The following TLL2 variants were observed in gnomAD, a reference collection of about 807,000 sequenced individuals.
TLL2 encodes the protein tolloid-like protein 2.
Under a neutral mutation model 123.0 loss-of-function variants are expected in TLL2, and 106 were observed. The ratio of observed to expected loss-of-function variants is 0.86; its 90% CI spans 0.74 to 1.01. The LOEUF is 1.01. TLL2 is among the 50% of genes least tolerant of loss of function. The pLI, the probability that TLL2 is intolerant of heterozygous loss-of-function variation, is 0.00. For missense variants in TLL2, 1,332 were observed against 1,336.7 expected (o/e 1.00, Z 0.06); for synonymous variants, 494 against 516.8 (o/e 0.96, Z 0.60).
chr10:96,410,591 G>A (rs1407851218), intron 8 of TLL2, 117 bp from the exon 9 acceptor site: 2 of 790,970 alleles, frequency 2.5e-6, no homozygotes, highest in Non-Finnish European at 4.4e-6. Context: ...CCTCGGAACA[G>A]GTTGGTGAGA....
intron 2 of TLL2, among the ~76,000 whole-genome samples, chr10:96,462,484 GT>G (rs754457581): frequency 3.3e-5 from 5 of 152,164 alleles, no homozygotes; most frequent in Non-Finnish European, 4.4e-5. Context: ...GGAAGTCCAA[GT>G]TCACTAAACT....
chr10:96,433,676 T>G (rs1409531816), intron 3 of TLL2, among the ~76,000 whole-genome samples: 4 of 152,232 alleles, frequency 2.6e-5, no homozygotes, highest in Non-Finnish European at 5.9e-5. Flanking sequence ...GTTGGCTTGC[T>G]TAGAATCCCT....
intron 3 of TLL2, among the ~76,000 whole-genome samples, chr10:96,439,059 A>ATT (rs34560855): frequency 7.0e-6 from 1 of 142,656 alleles, no homozygotes; most frequent in African/African-American, 2.7e-5. Flanking sequence ...TCATTTGCTA[A>ATT]TTTTTTTAAG....
intron 2 of TLL2, among the ~76,000 whole-genome samples, chr10:96,448,846 G>A (rs1444421471): frequency 6.6e-6 from 1 of 152,162 alleles, no homozygotes; most frequent in East Asian, 1.9e-4. Context: ...AGGCAGTGGA[G>A]GGTCTGGAGA....
chr10:96,462,474 G>A (rs560252738), intron 2 of TLL2, among the ~76,000 whole-genome samples: 1 of 152,146 alleles, frequency 6.6e-6, no homozygotes, highest in Non-Finnish European at 1.5e-5. Flanking sequence ...CTGGAGGCTG[G>A]GAAGTCCAAG....
At chr10:96,435,036 T>C (rs200578406) in intron 3 of TLL2, among the ~76,000 whole-genome samples, 5 of 138,486 alleles carry the variant, frequency 3.6e-5, no homozygotes, top group African/African-American at 1.5e-4. Flanking sequence ...TTTTTTTTTC[T>C]TTTTTTTTTT....
chr10:96,508,793 C>T (rs1320242846), intron 1 of TLL2, among the ~76,000 whole-genome samples: 5 of 151,916 alleles, frequency 3.3e-5, no homozygotes, highest in Admixed American at 6.6e-5. Context: ...GTTAATGCCT[C>T]GGGGAATGTG....
chr10:96,421,727 C>G (rs1415007089), intron 6 of TLL2, among the ~76,000 whole-genome samples: 2 of 150,706 alleles, frequency 1.3e-5, no homozygotes, highest in Admixed American at 1.3e-4. Flanking sequence ...ATCCCAGCTA[C>G]TTAGGAGGCT....
intron 1 of TLL2, among the ~76,000 whole-genome samples, chr10:96,484,432 T>C (rs935913739): frequency 6.6e-6 from 1 of 152,180 alleles, no homozygotes; most frequent in Non-Finnish European, 1.5e-5. Context: ...GATTGACACA[T>C]ACAGCCTTTG....
At position 96,366,909 on chromosome 10, in the gene TLL2, A is replaced by C. The variant is rs1250873560; in HGVS notation, c.*1179T>G. On this transcript the variant is annotated 3_prime_UTR_variant, in exon 21 of 21. Coordinates refer to ENST00000357947, the MANE Select transcript of TLL2 (RefSeq NM_012465.4). ...TGTTTAAATTATACCTTGAGGTGCT[A>C]AAATTATGTAAACATCATCCTCTAC... The C allele has an allele frequency of 6.5e-6, 1 of 152,686 alleles. No individual in the cohort carries two copies. Among genetic ancestry groups the C allele is most frequent in the African/African-American group, 2.4e-5 (1 of 41,480 alleles). 9.5% of individuals were successfully genotyped at this position (152,686 alleles called of 1,614,324 possible).
chr10:96,410,216 T>C (rs780587914), intron 9 of TLL2, 143 bp downstream of exon 9: 1 of 633,944 alleles, frequency 1.6e-6, no homozygotes, highest in Non-Finnish European at 2.8e-6. Context: ...ATAATGAACG[T>C]ACAGCAAACA....
chr10:96,460,193 T>C (rs1443194151), intron 2 of TLL2, among the ~76,000 whole-genome samples: 1 of 152,262 alleles, frequency 6.6e-6, no homozygotes, highest in Admixed American at 6.5e-5. Flanking sequence ...CTATCCATAT[T>C]ATATAATTTG....
At chr10:96,470,946 T>C (rs940661022) in intron 2 of TLL2, among the ~76,000 whole-genome samples, 2 of 152,212 alleles carry the variant, frequency 1.3e-5, no homozygotes, top group Non-Finnish European at 2.9e-5. Flanking sequence ...CTCAGATCCC[T>C]CTCTGGCCAA....
In TLL2 at chr10:96,513,575, T is replaced by C. The variant is rs1847653560; in HGVS notation, c.111A>G (p.Ser37=). The C allele has an allele frequency of 6.2e-7, 1 of 1,610,506 alleles. No homozygotes were observed. ...GERPDATADY[S]ELDGEEGTEQ... is the part of the protein sequence containing the mutation. ...CCGTGCCCTCCTCGCCGTCCAGCTC[T>C]GAGTAGTCTGCGGTGGCGTCCGGGC... The change falls in exon 1 of 21, where the codon TCA becomes TCG. Residue 37 remains serine, a synonymous_variant. Transcript: ENST00000357947.
intron 19 of TLL2, among the ~76,000 whole-genome samples, chr10:96,370,687 G>T (rs753758267): frequency 6.6e-6 from 1 of 152,214 alleles, no homozygotes; most frequent in Non-Finnish European, 1.5e-5. Context: ...CCCTGGAAGT[G>T]TTGGATGCAT....
At chr10:96,371,320 CAA>C (rs113456838) in intron 19 of TLL2, among the ~76,000 whole-genome samples, 57 of 115,680 alleles carry the variant, frequency 4.9e-4, no homozygotes, top group Middle Eastern at 4.5e-3. Flanking sequence ...AACTCCGTAT[CAA>C]AAAAAAAAAA....
At chr10:96,436,843 C>A (rs980522652) in intron 3 of TLL2, among the ~76,000 whole-genome samples, 4 of 151,914 alleles carry the variant, frequency 2.6e-5, no homozygotes, top group African/African-American at 9.7e-5. Context: ...ATGCCACCAC[C>A]CCCGGCTAAT....
At chr10:96,464,605 G>A (rs959201766) in intron 2 of TLL2, among the ~76,000 whole-genome samples, 3 of 152,040 alleles carry the variant, frequency 2.0e-5, no homozygotes, top group Admixed American at 6.6e-5. Context: ...TCCAACAACT[G>A]TAAGCTCCCT....
intron 2 of TLL2, among the ~76,000 whole-genome samples, chr10:96,447,241 G>A (rs546565908): frequency 6.1e-4 from 93 of 152,400 alleles, no homozygotes; most frequent in African/African-American, 2.1e-3. Flanking sequence ...AACAGGGCCA[G>A]AGAGGGAGGC....
Sources: allele counts gnomAD v4.1 joint callset (sites outside exome capture counted in the v4.1 genomes callset), GRCh38; gene constraint gnomAD v4.1.1; transcripts MANE v1.5; gene names NCBI Gene and HGNC (gene_info 2026-07-23, HGNC 2026-07-21).